GLCE: variants seen among roughly 807,000 people sequenced by gnomAD.
GLCE encodes the protein D-glucuronyl C5-epimerase.
In GLCE, 19 loss-of-function variants were observed where a neutral mutation model predicts 47.9. The ratio of observed to expected loss-of-function variants is 0.40; its 90% CI spans 0.28 to 0.58. The LOEUF (loss-of-function observed/expected upper bound fraction) is 0.58. Among genes scored for constraint, GLCE ranks in the 20% least tolerant of loss-of-function variants. GLCE has a pLI of 0.48. For missense variants in GLCE, 556 were observed against 743.3 expected (o/e 0.75, Z 2.93); for synonymous variants, 245 against 263.4 (o/e 0.93, Z 0.68).
At position 69,256,034 on chromosome 15, in the gene GLCE, A is replaced by G. The variant is rs936191536; in HGVS notation, c.228A>G (p.Ala76=). The G allele has an allele frequency of 6.2e-7, 1 of 1,613,942 alleles. No individual in the cohort carries two copies. The highest frequency in any genetic ancestry group is 1.3e-5 in the African/African-American group (1 of 75,042). Residue 76 remains alanine, a synonymous_variant, in exon 3 of 5, where the codon GCA becomes GCG. Transcript: ENST00000261858. ...TGGCCAAACAACAGTCTGAGGAAGC[A>G]TTCCCTCAGGAACAGCAGAAAGCAC... The part of the protein sequence containing the change: ...NHVAKQQSEE[A]FPQEQQKAPP...
At chr15:69,176,522 C>G in intron 1 of GLCE, among the ~76,000 whole-genome samples, 1 of 152,200 alleles carries the variant, frequency 6.6e-6, no homozygotes, top group East Asian at 1.9e-4. Flanking sequence ...GCCACCACCC[C>G]TGGCCCATTT....
At chr15:69,263,637 C>T (rs1428617309) in intron 4 of GLCE, among the ~76,000 whole-genome samples, 3 of 152,116 alleles carry the variant, frequency 2.0e-5, no homozygotes, top group Non-Finnish European at 2.9e-5. Context: ...CTTTCCCTTT[C>T]CCCAAGCACT....
chr15:69,191,338 C>T (rs994946403), intron 1 of GLCE, among the ~76,000 whole-genome samples: 16 of 152,166 alleles, frequency 1.1e-4, no homozygotes, highest in East Asian at 5.8e-4. Context: ...GTATCACCTC[C>T]GGTTTGGTGG....
At chr15:69,259,548 A>G (rs940473835) in intron 3 of GLCE, among the ~76,000 whole-genome samples, 1 of 152,184 alleles carries the variant, frequency 6.6e-6, no homozygotes, top group African/African-American at 2.4e-5. Context: ...GTCACAGCCT[A>G]ATTTTAAACC....
At chr15:69,179,625 T>A (rs1279767754) in intron 1 of GLCE, among the ~76,000 whole-genome samples, 1 of 152,198 alleles carries the variant, frequency 6.6e-6, no homozygotes, top group Non-Finnish European at 1.5e-5. Context: ...ACGTAACTCC[T>A]GGCCTTAAAG....
At chr15:69,242,901 A>G (rs1230488410) in intron 2 of GLCE, among the ~76,000 whole-genome samples, 1 of 150,734 alleles carries the variant, frequency 6.6e-6, no homozygotes, top group Non-Finnish European at 1.5e-5. Context: ...AAAATAAAAA[A>G]TAAAAATTAG....
intron 1 of GLCE, among the ~76,000 whole-genome samples, chr15:69,165,450 TTG>T (rs1011062345): frequency 6.6e-6 from 1 of 152,082 alleles, no homozygotes; most frequent in Non-Finnish European, 1.5e-5. Flanking sequence ...TTTCCTTCTC[TTG>T]TCTTGCTGGC....
chr15:69,165,505 C>CTTTTTTTTTTT (rs1172987241), intron 1 of GLCE, among the ~76,000 whole-genome samples: 4 of 84,610 alleles, frequency 4.7e-5, no homozygotes, highest in Non-Finnish European at 4.7e-5. Context: ...GCACTGTCTG[C>CTTTTTTTTTTT]TTTTTTTTTT....
At chr15:69,163,381 A>G (rs2051455352) in intron 1 of GLCE, among the ~76,000 whole-genome samples, 1 of 152,224 alleles carries the variant, frequency 6.6e-6, no homozygotes, top group Non-Finnish European at 1.5e-5. Flanking sequence ...AAACAAATAA[A>G]TACAGTTAAA....
intron 2 of GLCE, among the ~76,000 whole-genome samples, chr15:69,226,127 A>G (rs1398270785): frequency 1.3e-5 from 2 of 152,064 alleles, no homozygotes; most frequent in African/African-American, 2.4e-5. Context: ...TTATTAGACC[A>G]TCTTGGGATC....
chr15:69,268,952 A>G lies in GLCE; in HGVS notation c.1562A>G (p.Asp521Gly), dbSNP rs778680256. Residue 521 changes from aspartate to glycine, a missense_variant, in exon 5 of 5, where the codon GAC (aspartate) becomes GGC (glycine). Coordinates refer to ENST00000261858, the MANE Select transcript of GLCE (RefSeq NM_015554.3). Reference sequence around the variant, plus strand: ...ATGTATTCTTTAATTGGGCTGTATGACTTAAAAGAAACTGCAGGGGAAAAA... The same window carrying G: ...ATGTATTCTTTAATTGGGCTGTATGGCTTAAAAGAAACTGCAGGGGAAAAA... ...GFMYSLIGLYDLKETAGEKLG... is the reference protein window; with the variant it reads ...GFMYSLIGLYGLKETAGEKLG... 6.2e-7 allele frequency: 1 copy of G among 1,614,188 alleles called. No homozygotes were observed. The highest frequency in any genetic ancestry group is 1.7e-5 in the Admixed American group (1 of 60,018).
intron 2 of GLCE, among the ~76,000 whole-genome samples, chr15:69,247,144 C>A (rs2052762892): frequency 6.6e-6 from 1 of 152,192 alleles, no homozygotes; most frequent in South Asian, 2.1e-4. Flanking sequence ...TTCTCTCTAG[C>A]TATGAAAGTC....
intron 2 of GLCE, among the ~76,000 whole-genome samples, chr15:69,244,340 A>C (rs1013687448): frequency 6.6e-6 from 1 of 152,220 alleles, no homozygotes; most frequent in Non-Finnish European, 1.5e-5. Context: ...AAATTCAAAA[A>C]TTTCAGTAGC....
intron 1 of GLCE, among the ~76,000 whole-genome samples, chr15:69,183,195 G>T (rs1209922839): frequency 6.6e-6 from 1 of 152,164 alleles, no homozygotes; most frequent in African/African-American, 2.4e-5. Context: ...GGAAAGGATT[G>T]TGTGGATGAT....
chr15:69,231,818 A>AT (rs1431792612), intron 2 of GLCE, among the ~76,000 whole-genome samples: 4 of 151,902 alleles, frequency 2.6e-5, no homozygotes, highest in African/African-American at 9.7e-5. Context: ...GAGACGGAGT[A>AT]TTTCCCTGTC....
Position 69,269,689 on chromosome 15 carries a change from T to C in GLCE, c.*445T>C, listed in dbSNP as rs1397867600. 1 of 155,988 alleles carries C rather than the reference T, an allele frequency of 6.4e-6. No individual in the cohort carries two copies. The highest frequency in any genetic ancestry group is 1.4e-5 in the Non-Finnish European group (1 of 70,358). The allele number at this position is 155,988 out of a possible 1,614,324, so 9.7% of individuals were successfully genotyped here. ...ATAATGTGCTGTAACACAGTAAATA[T>C]GTACTTGTAGCCTGGATAGCAGACT... On this transcript the variant is annotated 3_prime_UTR_variant, in exon 5 of 5. Transcript: ENST00000261858.
intron 1 of GLCE, among the ~76,000 whole-genome samples, chr15:69,166,658 G>A (rs190944973): frequency 6.6e-6 from 1 of 152,274 alleles, no homozygotes; most frequent in East Asian, 1.9e-4. Context: ...GGTGGCTTAC[G>A]CCTCTAATCC....
intron 2 of GLCE, among the ~76,000 whole-genome samples, chr15:69,245,501 T>C (rs1028726128): frequency 6.6e-6 from 1 of 152,110 alleles, no homozygotes; most frequent in African/African-American, 2.4e-5. Flanking sequence ...TTGCTGAAGA[T>C]TGTGGTAGTG....
At chr15:69,262,049 A>G (rs1161450971) in intron 4 of GLCE, among the ~76,000 whole-genome samples, 1 of 152,208 alleles carries the variant, frequency 6.6e-6, no homozygotes, top group Non-Finnish European at 1.5e-5. Context: ...GTTGTCAAGT[A>G]CAGAACTTGT....
Sources: gnomAD v4.1 joint callset for allele counts (sites outside exome capture counted in the v4.1 genomes callset) on GRCh38, gnomAD v4.1.1 for gene constraint, MANE v1.5 for transcripts, NCBI Gene and HGNC (gene_info 2026-07-23, HGNC 2026-07-21) for gene names.